Variants in NAE1 observed in about 807,000 individuals in gnomAD.
The protein encoded by NAE1 is NEDD8-activating enzyme E1 regulatory subunit.
NAE1 carries 59 observed loss-of-function variants against 88.0 expected under a neutral mutation model. That is an observed-to-expected ratio of 0.67 (90% CI 0.54 to 0.83). The LOEUF (loss-of-function observed/expected upper bound fraction) is 0.83. Ranked by LOEUF, NAE1 falls within the 40% of genes least tolerant of loss-of-function variation. The pLI, the probability that NAE1 is intolerant of heterozygous loss-of-function variation, is 0.00. For missense variants in NAE1, 554 were observed against 632.8 expected (o/e 0.88, Z 1.34); for synonymous variants, 186 against 208.9 (o/e 0.89, Z 0.95).
chr16:66,810,810 A>T, intron 13 of NAE1, 38 bp from the exon 14 acceptor site: 33 of 1,577,178 alleles, frequency 2.1e-5, no homozygotes, highest in Non-Finnish European at 2.9e-5. Context: ...ACAAATTTTT[A>T]AATTAGCAAA....
At chr16:66,828,038 A>T (rs762546994) in intron 1 of NAE1, 2 of 1,613,888 alleles carry the variant, frequency 1.2e-6, no homozygotes, top group South Asian at 1.1e-5. Context: ...TGTATGCTCC[A>T]TAAGGGCCCA....
intron 19 of NAE1, among the ~76,000 whole-genome samples, chr16:66,804,511 A>G (rs978597989): frequency 3.3e-5 from 5 of 152,238 alleles, no homozygotes; most frequent in Non-Finnish European, 5.9e-5. Flanking sequence ...TGATGCATTT[A>G]CATTTTGAAC....
At chr16:66,806,984 AAGG>A (rs1465999568) in intron 17 of NAE1, among the ~76,000 whole-genome samples, 2 of 152,186 alleles carry the variant, frequency 1.3e-5, no homozygotes, top group Non-Finnish European at 2.9e-5. Flanking sequence ...GACATGCCAA[AAGG>A]AAGTCCAAGC....
intron 13 of NAE1, 99 bp downstream of exon 13, chr16:66,813,465 T>C: frequency 3.6e-6 from 5 of 1,370,186 alleles, no homozygotes; most frequent in Non-Finnish European, 5.0e-6. Flanking sequence ...GCAATGAGGT[T>C]GTAATAAACT....
At chr16:66,827,956 G>A (rs750472980) in intron 1 of NAE1, 1 of 1,594,154 alleles carries the variant, frequency 6.3e-7, no homozygotes, top group Admixed American at 1.7e-5. Context: ...GAGTTGCTGG[G>A]ACTACAGGCA....
At chr16:66,829,244 C>T (rs1005080389) in intron 1 of NAE1, among the ~76,000 whole-genome samples, 2 of 152,186 alleles carry the variant, frequency 1.3e-5, no homozygotes, top group African/African-American at 4.8e-5. Context: ...TGCTTAGTAA[C>T]CTCAACTATC....
At chr16:66,821,641 T>A in intron 6 of NAE1, 82 bp from the exon 7 acceptor site, 2 of 1,177,760 alleles carry the variant, frequency 1.7e-6, no homozygotes, top group Non-Finnish European at 2.3e-6. Context: ...CATGAAAATG[T>A]CTTACAGCAA....
chr16:66,817,445 A>C lies in NAE1; in HGVS notation c.664T>G (p.Leu222Val), dbSNP rs751948063. The change falls in exon 9 of 20, where the codon TTA becomes GTA. Residue 222 changes from leucine to valine, a missense_variant. Physicochemically the swap from Leu to Val is conservative, Grantham distance 32. Transcript: ENST00000290810. ...CATACTTCACTATACCACTGTGCTAAATATTTAGCTATGATCACAATCCAT... is the reference window on the plus strand; with the variant it reads ...CATACTTCACTATACCACTGTGCTACATATTTAGCTATGATCACAATCCAT... ...TPWIVIIAKY[L>V]AQWYSETNGR... 1 of 1,606,220 alleles carries C rather than the reference A, an allele frequency of 6.2e-7. No individual in the cohort carries two copies. Among genetic ancestry groups the C allele is most frequent in the Non-Finnish European group, 8.5e-7 (1 of 1,176,348 alleles).
chr16:66,828,053 G>C (rs1169516947), intron 1 of NAE1: 1 of 1,613,464 alleles, frequency 6.2e-7, no homozygotes, highest in South Asian at 1.1e-5. Flanking sequence ...GGCCCAGACA[G>C]CTGTCAAATG....
chr16:66,805,301 G>C (rs1483292591), intron 19 of NAE1, among the ~76,000 whole-genome samples: 2 of 152,070 alleles, frequency 1.3e-5, no homozygotes, highest in East Asian at 1.9e-4. Flanking sequence ...TATGTATATT[G>C]GTGGGGCAGA....
chr16:66,804,568 A>C (rs537923587), intron 19 of NAE1, among the ~76,000 whole-genome samples: 1 of 152,346 alleles, frequency 6.6e-6, no homozygotes, highest in African/African-American at 2.4e-5. Context: ...AACATTCAAC[A>C]TCTAGAAGGA....
At position 66,805,898 on chromosome 16, in the gene NAE1, TAAAAA is replaced by T; in HGVS notation, c.1445+9_1445+13del. 1 of 1,607,028 alleles carries T rather than the reference TAAAAA, an allele frequency of 6.2e-7. No individual in the cohort carries two copies. The highest frequency in any genetic ancestry group is 8.5e-7 in the Non-Finnish European group (1 of 1,177,788). On this transcript the variant is annotated intron_variant, in intron 18 of 19. Coordinates refer to ENST00000290810, the MANE Select transcript of NAE1 (RefSeq NM_003905.4). ...GTGTGGAATCATCTCCTAGATACCC[TAAAAA>T]ATACTCACAATTCGTGGACATAATC...
chr16:66,823,809 G>A (rs1960359174), intron 4 of NAE1, among the ~76,000 whole-genome samples: 1 of 152,150 alleles, frequency 6.6e-6, no homozygotes, highest in Non-Finnish European at 1.5e-5. Flanking sequence ...ATAGCTCACT[G>A]CAGCCTTGAA....
At chr16:66,809,188 T>A (rs553543634) in intron 15 of NAE1, 113 bp from the exon 16 acceptor site, 4 of 644,602 alleles carry the variant, frequency 6.2e-6, no homozygotes, top group Non-Finnish European at 1.0e-5. Flanking sequence ...GACATGAGAA[T>A]GTGAAGAAAT....
intron 1 of NAE1, among the ~76,000 whole-genome samples, chr16:66,830,152 G>C (rs1960635442): frequency 6.6e-6 from 1 of 152,120 alleles, no homozygotes; most frequent in Admixed American, 6.5e-5. Flanking sequence ...CTCCCAAAGT[G>C]CTGGGATTAC....
chr16:66,807,176 C>A (rs1255945339), intron 17 of NAE1, among the ~76,000 whole-genome samples: 3 of 152,240 alleles, frequency 2.0e-5, no homozygotes, highest in Non-Finnish European at 4.4e-5. Context: ...CTGCCTGAGA[C>A]CAGGCAACCC....
At chr16:66,808,675 G>T in intron 16 of NAE1, 62 bp from the exon 17 acceptor site, 1 of 1,203,548 alleles carries the variant, frequency 8.3e-7, no homozygotes, top group Non-Finnish European at 1.2e-6. Context: ...ACAATGAAGG[G>T]CTGAATTTAC....
chr16:66,823,478 T>C (rs1238840896), intron 5 of NAE1, 51 bp downstream of exon 5: 1 of 1,513,660 alleles, frequency 6.6e-7, no homozygotes, highest in Non-Finnish European at 9.0e-7. Flanking sequence ...CTTTGAATTA[T>C]TTAAAAAATT....
At chr16:66,822,181 T>C (rs1395242323) in intron 6 of NAE1, among the ~76,000 whole-genome samples, 1 of 152,158 alleles carries the variant, frequency 6.6e-6, no homozygotes, top group Non-Finnish European at 1.5e-5. Flanking sequence ...TAATCAATTC[T>C]AACTAGTTTT....
Sources: gnomAD v4.1 joint callset for allele counts (sites outside exome capture counted in the v4.1 genomes callset) on GRCh38, gnomAD v4.1.1 for gene constraint, MANE v1.5 for transcripts, NCBI Gene and HGNC (gene_info 2026-07-23, HGNC 2026-07-21) for gene names.